Variants in KDM5D observed in about 807,000 individuals in gnomAD.
KDM5D encodes the protein lysine demethylase 5D.
KDM5D carries 25 observed loss-of-function variants against 31.9 expected under a neutral mutation model. The observed-to-expected ratio is 0.78, with a 90% CI of 0.57 to 1.09. The LOEUF is 1.09. Among genes scored for constraint, KDM5D ranks in the 50% least tolerant of loss-of-function variants. The probability of loss-of-function intolerance (pLI) is 0.00; values close to 1 mark genes in which losing one functional copy is unlikely to be tolerated. For synonymous variants in KDM5D, 146 were observed against 122.3 expected, an observed-to-expected ratio of 1.19 and a Z score of -1.28; for missense variants, 366 against 341.6, an observed-to-expected ratio of 1.07 and a Z score of -0.56.
At position 19,735,557 on chromosome Y, in the gene KDM5D, A is replaced by G. The variant is rs762645254; in HGVS notation, c.788-60T>C. On this transcript the variant is annotated intron_variant, in intron 7 of 26. Transcript: ENST00000317961. ...TCTCCTGCATCAAGATTACCAAACT[A>G]TTTCTCCCATGAAACTTTACTATTT... 51 of 395,225 alleles carry G rather than the reference A, an allele frequency of 1.3e-4. No individual in the cohort carries two copies. In the East Asian group the frequency reaches 4.5e-3, roughly 35 times the overall value.
At chrY:19,715,213 C>A (rs2045325590) in intron 18 of KDM5D, 139 bp downstream of exon 18, 1 of 200,571 alleles carries the variant, frequency 5.0e-6, no homozygotes, top group Non-Finnish European at 8.7e-6. Context: ...GCCATCTCGG[C>A]TCACTGCAAC....
At chrY:19,733,585 T>C in intron 8 of KDM5D, among the ~76,000 whole-genome samples, 2 of 30,872 alleles carry the variant, frequency 6.5e-5, no homozygotes, top group African/African-American at 1.3e-4. Context: ...TTTATAAACA[T>C]AAGAGGCCAG....
Position 19,709,720 on chromosome Y carries a change from C to T in KDM5D, c.2673G>A (p.Leu891=). The T allele has an allele frequency of 2.5e-6, 1 of 397,962 alleles. No homozygotes were observed. The highest frequency in any genetic ancestry group is 3.0e-5 in the South Asian group (1 of 33,568). The change falls in exon 20 of 27, where the codon CTG becomes CTA. Residue 891 remains leucine (L), a synonymous_variant. Transcript: ENST00000317961. ...CACCCAGCTGCTGCCCCCTCTCCAA[C>T]AGGGACCGCAATAGCCCTGGACTAG... is the stretch of plus-strand genomic sequence containing the variant. ...LPSSPGLLRS[L]LERGQQLGVE... is the part of the protein sequence containing the mutation.
intron 24 of KDM5D, 66 bp from the exon 25 acceptor site, chrY:19,706,929 C>T: frequency 3.2e-6 from 1 of 307,852 alleles, no homozygotes; most frequent in South Asian, 3.3e-5. Context: ...TTTCCTCCCA[C>T]AACTCCAAAA....
chrY:19,716,084 T>A, intron 15 of KDM5D, 80 bp from the exon 16 acceptor site: 1 of 266,100 alleles, frequency 3.8e-6, no homozygotes. Context: ...CACTGAGCCC[T>A]GATGTGGACT....
In KDM5D at chrY:19,707,582, C is replaced by T; in HGVS notation, c.3564G>A (p.Gln1188=). The change falls in exon 24 of 27, where the codon CAG becomes CAA. Residue 1188 remains glutamine (Q), a synonymous_variant. Coordinates refer to ENST00000317961, the MANE Select transcript of KDM5D (RefSeq NM_004653.5). ...GQVPAGVGVL[Q]CDLCQDWFHG... is the part of the protein sequence containing the mutation. ...GGAACCAGTCCTGACACAGGTCACA[C>T]TGCAGAACTCCCACCCCAGCTGGCA... The T allele has an allele frequency of 2.5e-6, 1 of 395,714 alleles. No individual in the cohort carries two copies. Among genetic ancestry groups the T allele is most frequent in the Non-Finnish European group, 3.5e-6 (1 of 281,808 alleles).
At position 19,744,721 on chromosome Y, in the gene KDM5D, T is replaced by C. The variant is rs34694026; in HGVS notation, c.-70A>G. On this transcript the variant is annotated 5_prime_UTR_variant, in exon 1 of 27. Coordinates refer to ENST00000317961, the MANE Select transcript of KDM5D (RefSeq NM_004653.5). ...AGCCACCATCTTGACCTCCGGGCCCTGCAGTGTGGTACGAGCCGTCTCACT... is the reference window on the plus strand; with the variant it reads ...AGCCACCATCTTGACCTCCGGGCCCCGCAGTGTGGTACGAGCCGTCTCACT... 2.5e-3 allele frequency: 322 copies of C among 126,537 alleles called. No homozygotes were observed. Among genetic ancestry groups the C allele is most frequent in the Middle Eastern group, 3.8e-3 (2 of 532 alleles). 31.6% of individuals were successfully genotyped at this position (126,537 alleles called of 400,897 possible). A position where few individuals can be genotyped will look rare whatever the true frequency, so the allele number is the denominator to read the frequency against.
In KDM5D at chrY:19,721,533, A is replaced by G. The variant is rs2045395439; in HGVS notation, c.1372-222T>C. 2.9e-5 allele frequency: 3 copies of G among 103,164 alleles called. No individual in the cohort carries two copies. The East Asian group carries it at 4.4e-4, about 15-fold the overall frequency. The allele number at this position is 103,164 out of a possible 400,897, so 25.7% of individuals were successfully genotyped here. ...GTCCCAGCCAGAGCAATGAGGCAGG[A>G]AAAGAAATTAAAAAAACATTCAAAT... On this transcript the variant is annotated intron_variant, in intron 11 of 26. Transcript: ENST00000317961.
chrY:19,738,036 C>T (rs2045521569), intron 6 of KDM5D, among the ~76,000 whole-genome samples: 1 of 32,713 alleles, frequency 3.1e-5, no homozygotes, highest in Non-Finnish European at 7.4e-5. Flanking sequence ...ATGGGTCAGG[C>T]TGTTCTCGAA....
In KDM5D at chrY:19,743,179, T is replaced by G; in HGVS notation, c.211A>C (p.Arg71=). 2.6e-6 allele frequency: 1 copy of G among 390,910 alleles called. No homozygotes were observed. The highest frequency in any genetic ancestry group is 9.3e-5 in the East Asian group (1 of 10,783). Reference sequence around the variant, plus strand: ...AATCTTACCTCCAGTTCATTTAGCCTTTGGACGCGAGGAGTAAATCTGAAA... The same window carrying G: ...AATCTTACCTCCAGTTCATTTAGCCGTTGGACGCGAGGAGTAAATCTGAAA... ...DNFRFTPRVQ[R]LNELEAQTRV... Residue 71 remains arginine (R), a synonymous_variant, in exon 3 of 27, where the codon AGG becomes CGG. Coordinates refer to ENST00000317961, the MANE Select transcript of KDM5D (RefSeq NM_004653.5).
At position 19,735,693 on chromosome Y, in the gene KDM5D, A is replaced by G. The variant is rs766143895; in HGVS notation, c.715T>C (p.Tyr239His). 7.1e-5 allele frequency: 28 copies of G among 396,594 alleles called. No homozygotes were observed. In the East Asian group the frequency reaches 1.9e-3, roughly 28 times the overall value. ...CCCATCATTTTGGGACCTGGCCCAT[A>G]TATCTGTAACTTCTTTAGCTCTGGA... Reference protein sequence around the residue: ...KHPELKKLQIYGPGPKMMGLG... With the variant: ...KHPELKKLQIHGPGPKMMGLG... Residue 239 changes from tyrosine to histidine, a missense_variant, in exon 7 of 27, where the codon TAT (tyrosine) becomes CAT (histidine). By Grantham distance (83) the Tyr-to-His change is moderately conservative (BLOSUM62 2). Transcript: ENST00000317961.
At chrY:19,716,804 A>G in intron 13 of KDM5D, 89 bp from the exon 14 acceptor site, 1 of 262,411 alleles carries the variant, frequency 3.8e-6, no homozygotes, top group Non-Finnish European at 6.0e-6. Flanking sequence ...GCTGTAACAG[A>G]TGTAGGAAGA....
At chrY:19,740,184 A>C (rs2045537991) in intron 5 of KDM5D, among the ~76,000 whole-genome samples, 1 of 33,620 alleles carries the variant, frequency 3.0e-5, no homozygotes, top group Admixed American at 2.7e-4. Flanking sequence ...AAAAATACTG[A>C]ATCTTTAGAA....
intron 11 of KDM5D, chrY:19,722,562 C>G (rs2045401196): frequency 3.1e-5 from 1 of 32,778 alleles, no homozygotes; most frequent in African/African-American, 1.2e-4. Context: ...TAAAAAGCTT[C>G]TGCATAATGA....
In KDM5D at chrY:19,705,859, GGA is replaced by G. The variant is rs2045223278; in HGVS notation, c.*134_*135del. On this transcript the variant is annotated 3_prime_UTR_variant, in exon 27 of 27. Transcript: ENST00000317961. ...AACCAACCTTTTAACAGTAACTCTA[GGA>G]GAGAGGATATCAAAAATTGGCAGTG... is the stretch of plus-strand genomic sequence containing the variant. 1 of 158,322 alleles carries G rather than the reference GGA, an allele frequency of 6.3e-6. No homozygotes were observed. The highest frequency in any genetic ancestry group is 1.1e-5 in the Non-Finnish European group (1 of 87,535). 39.5% of individuals were successfully genotyped at this position (158,322 alleles called of 400,897 possible).
Position 19,744,415 on chromosome Y carries a change from C to A in KDM5D, c.120G>T (p.Lys40Asn). 1 of 389,773 alleles carries A rather than the reference C, an allele frequency of 2.6e-6. No homozygotes were observed. Among genetic ancestry groups the A allele is most frequent in the African/African-American group, 6.5e-5 (1 of 15,336 alleles). The part of the protein sequence containing the change: ...YIAKIRPIAE[K>N]SGICKIRPPA... ...GTGGGCGGATTTTGCAGATGCCAGA[C>A]TTCTCTGCTATGGGCCTTATTTTCG... The change falls in exon 2 of 27, where the codon AAG becomes AAT. Residue 40 changes from lysine to asparagine, a missense_variant. Physicochemically the swap from Lys to Asn is moderately conservative, Grantham distance 94 (BLOSUM62 0). Transcript: ENST00000317961.
In KDM5D at chrY:19,744,525, C is replaced by T. The variant is rs760637210; in HGVS notation, c.10G>A (p.Gly4Arg). The change falls in exon 2 of 27, where the codon GGG becomes AGG. Residue 4 changes from glycine to arginine, a missense_variant. Transcript: ENST00000317961. ...GGTGGCGGCAGGAACTCGTCACACC[C>T]CGGTTCCATGTCGGGCCTTAATGCT... MEP[G>R]CDEFLPPPEC... The T allele has an allele frequency of 2.5e-6, 1 of 395,391 alleles. No individual in the cohort carries two copies. The highest frequency in any genetic ancestry group is 3.0e-5 in the South Asian group (1 of 33,440).
In KDM5D at chrY:19,735,721, C is replaced by T; in HGVS notation, c.687G>A (p.Lys229=). The T allele has an allele frequency of 2.5e-6, 1 of 396,381 alleles. No homozygotes were observed. The highest frequency in any genetic ancestry group is 3.6e-6 in the Non-Finnish European group (1 of 281,202). ...DPEPTEEDIE[K]HPELKKLQIY... is the part of the protein sequence containing the mutation. ...TCTGTAACTTCTTTAGCTCTGGATG[C>T]TTCTCAATGTCCTCCTCTGTAGGCT... The change falls in exon 7 of 27, where the codon AAG becomes AAA. Residue 229 remains lysine (K), a synonymous_variant. Transcript: ENST00000317961.
In KDM5D at chrY:19,704,321, C is replaced by A. The variant is rs2045217325; in HGVS notation, c.*1674G>T. 1 of 33,599 alleles carries A rather than the reference C, an allele frequency of 3.0e-5. No individual in the cohort carries two copies. Among genetic ancestry groups the A allele is most frequent in the South Asian group, 6.6e-4 (1 of 1,515 alleles). The allele number at this position is 33,599 out of a possible 400,897, so 8.4% of individuals were successfully genotyped here. A position where few individuals can be genotyped will look rare whatever the true frequency, so the allele number is the denominator to read the frequency against. On this transcript the variant is annotated 3_prime_UTR_variant, in exon 27 of 27. Coordinates refer to ENST00000317961, the MANE Select transcript of KDM5D (RefSeq NM_004653.5). ...TGGCTTGAGAATCATGACTTTCCTC[C>A]TATTTATGGAAGAGGAGAAAAAAGA... is the stretch of plus-strand genomic sequence containing the variant.
Sources: allele counts gnomAD v4.1 joint callset (sites outside exome capture counted in the v4.1 genomes callset), GRCh38; gene constraint gnomAD v4.1.1; transcripts MANE v1.5; gene names NCBI Gene and HGNC (gene_info 2026-07-23, HGNC 2026-07-21).